RAPGEF6: variants seen among roughly 807,000 people sequenced by gnomAD.
RAPGEF6 encodes the protein Rap guanine nucleotide exchange factor 6.
In RAPGEF6, 56 loss-of-function variants were observed where a neutral mutation model predicts 171.4. That is an observed-to-expected ratio of 0.33 (90% CI 0.26 to 0.41). The LOEUF (loss-of-function observed/expected upper bound fraction) is 0.41. RAPGEF6 is among the 10% of genes least tolerant of loss of function. RAPGEF6 has a pLI of 1.00. For synonymous variants in RAPGEF6, 692 were observed against 650.1 expected (o/e 1.06, Z -0.98); for missense variants, 1,674 against 1,921.4 (o/e 0.87, Z 2.41).
At chr5:131,622,663 G>C (rs1265297633) in intron 1 of RAPGEF6, among the ~76,000 whole-genome samples, 1 of 152,150 alleles carries the variant, frequency 6.6e-6, no homozygotes, top group Non-Finnish European at 1.5e-5. Flanking sequence ...AAAATGATGG[G>C]CCTGGAAAAG....
intron 4 of RAPGEF6, among the ~76,000 whole-genome samples, chr5:131,585,004 T>A (rs1419119606): frequency 6.6e-6 from 1 of 152,028 alleles, no homozygotes; most frequent in Non-Finnish European, 1.5e-5. Flanking sequence ...GATACTTTAT[T>A]AAAGAAAAAA....
At chr5:131,592,340 T>A (rs1016632522) in intron 4 of RAPGEF6, 43 bp downstream of exon 4, 1 of 1,599,726 alleles carries the variant, frequency 6.3e-7, no homozygotes, top group Admixed American at 1.7e-5. Flanking sequence ...TACAAAATAG[T>A]TTAACATTAA....
In RAPGEF6 at chr5:131,427,172, G is replaced by A. The variant is rs1751429905; in HGVS notation, c.*94C>T. ...AAACCTCTGGACTGGTTGTAGCAAT[G>A]AGCTGTTCGTTAGCAATGGCCTGCA... On this transcript the variant is annotated 3_prime_UTR_variant, in exon 28 of 28. Coordinates refer to ENST00000509018, the MANE Select transcript of RAPGEF6 (RefSeq NM_016340.6). The A allele has an allele frequency of 8.7e-7, 1 of 1,154,590 alleles. No homozygotes were observed. Among genetic ancestry groups the A allele is most frequent in the African/African-American group, 1.5e-5 (1 of 65,664 alleles). The allele number at this position is 1,154,590 out of a possible 1,614,324, so 71.5% of individuals were successfully genotyped here.
chr5:131,427,256 C>T lies in RAPGEF6; in HGVS notation c.*10G>A. 3 of 1,608,588 alleles carry T rather than the reference C, an allele frequency of 1.9e-6. No homozygotes were observed. The highest frequency in any genetic ancestry group is 2.6e-6 in the Non-Finnish European group (3 of 1,175,128). On this transcript the variant is annotated 3_prime_UTR_variant, in exon 28 of 28. Coordinates refer to ENST00000509018, the MANE Select transcript of RAPGEF6 (RefSeq NM_016340.6). ...GACTTTCAGTGGTTTTCAAATAGGT[C>T]ATCCAAAGGCTAGACTGCTGAAACT...
chr5:131,494,147 GA>G (rs1756473359), intron 13 of RAPGEF6, among the ~76,000 whole-genome samples: 1 of 152,146 alleles, frequency 6.6e-6, no homozygotes, highest in Non-Finnish European at 1.5e-5. Context: ...AATGAACTAG[GA>G]ACTACTATCT....
Position 131,580,303 on chromosome 5 carries a change from G to A in RAPGEF6, c.281+12080C>T, listed in dbSNP as rs559553831. Among the ~76,000 whole-genome samples, 41 of 152,262 alleles carry A rather than the reference G, an allele frequency of 2.7e-4. 2 individuals carry two copies. In the South Asian group the frequency reaches 3.7e-3, roughly 14 times the overall value. ...GTTAAGCCCCTTACTGCCCAGGGCC[G>A]GCAGCACCAGCCGGTCACTCCGAGT... On this transcript the variant is annotated intron_variant, in intron 4 of 27. Transcript: ENST00000509018.
At chr5:131,474,439 G>A (rs887828869) in intron 16 of RAPGEF6, among the ~76,000 whole-genome samples, 4 of 152,096 alleles carry the variant, frequency 2.6e-5, no homozygotes, top group South Asian at 2.1e-4. Flanking sequence ...GCAAGACTCC[G>A]TATCAAAACA....
chr5:131,427,046 CCAGG>C lies in RAPGEF6; in HGVS notation c.*216_*219del. 1.8e-6 allele frequency: 1 copy of C among 568,622 alleles called. No individual in the cohort carries two copies. The highest frequency in any genetic ancestry group is 3.1e-5 in the East Asian group (1 of 31,844). The allele number at this position is 568,622 out of a possible 1,614,324, so 35.2% of individuals were successfully genotyped here. ...CGGCGTGCAAAGTGGAGACTGGTAT[CCAGG>C]CATAGCATCCATTGCTCAGGAAACT... On this transcript the variant is annotated 3_prime_UTR_variant, in exon 28 of 28. Coordinates refer to ENST00000509018, the MANE Select transcript of RAPGEF6 (RefSeq NM_016340.6).
chr5:131,488,559 A>G (rs1756078924), intron 15 of RAPGEF6, among the ~76,000 whole-genome samples: 1 of 152,200 alleles, frequency 6.6e-6, no homozygotes, highest in South Asian at 2.1e-4. Flanking sequence ...ATGCTAAAGT[A>G]ATATAATACT....
At chr5:131,433,372 C>A in intron 25 of RAPGEF6, 58 bp downstream of exon 25, 3 of 1,494,908 alleles carry the variant, frequency 2.0e-6, no homozygotes, top group South Asian at 1.1e-5. Flanking sequence ...GGGGAGCACT[C>A]CTTGCAGTGG....
chr5:131,454,653 G>C (rs1293041239), intron 20 of RAPGEF6, among the ~76,000 whole-genome samples: 1 of 152,152 alleles, frequency 6.6e-6, no homozygotes, highest in Non-Finnish European at 1.5e-5. Flanking sequence ...ATGAGACATA[G>C]TTGGAGAGAG....
chr5:131,585,455 C>T (rs1763202196), intron 4 of RAPGEF6, among the ~76,000 whole-genome samples: 1 of 152,124 alleles, frequency 6.6e-6, no homozygotes, highest in Admixed American at 6.5e-5. Context: ...TATTCAAAGT[C>T]ACCCCTCTGC....
chr5:131,504,527 T>C, intron 11 of RAPGEF6, 99 bp downstream of exon 11: 2 of 1,210,138 alleles, frequency 1.7e-6, no homozygotes, highest in Non-Finnish European at 1.1e-6. Flanking sequence ...AAAGTGTTAA[T>C]GAATTATCTT....
Position 131,604,673 on chromosome 5 carries a change from A to G in RAPGEF6, c.90T>C (p.Ser30=), listed in dbSNP as rs1224022865. The part of the protein sequence containing the change: ...RTPEDLNTIY[S]YLHGMEILSN... Reference sequence around the variant, plus strand: ...ATAATATTTCCATTCCATGAAGATAAGAATAAATAGTATTTAAGTCCTGTG... The same window carrying G: ...ATAATATTTCCATTCCATGAAGATAGGAATAAATAGTATTTAAGTCCTGTG... Residue 30 remains serine, a synonymous_variant, in exon 2 of 28, where the codon TCT becomes TCC. Coordinates refer to ENST00000509018, the MANE Select transcript of RAPGEF6 (RefSeq NM_016340.6). The G allele has an allele frequency of 2.5e-6, 4 of 1,611,046 alleles. No individual in the cohort carries two copies. The highest frequency in any genetic ancestry group is 3.4e-6 in the Non-Finnish European group (4 of 1,178,640).
chr5:131,470,962 ACTT>A (rs1283159064), intron 17 of RAPGEF6, among the ~76,000 whole-genome samples: 3 of 152,190 alleles, frequency 2.0e-5, no homozygotes, highest in Non-Finnish European at 4.4e-5. Flanking sequence ...GGTCAGCAAC[ACTT>A]CTTCTTCACC....
chr5:131,582,591 T>A (rs569497154), intron 4 of RAPGEF6, among the ~76,000 whole-genome samples: 2 of 152,194 alleles, frequency 1.3e-5, no homozygotes, highest in East Asian at 1.9e-4. Flanking sequence ...GGGAAAAAAA[T>A]GATAAACTTA....
chr5:131,604,513 T>C (rs1188692427), intron 2 of RAPGEF6, 110 bp downstream of exon 2: 5 of 1,254,146 alleles, frequency 4.0e-6, no homozygotes, highest in Non-Finnish European at 5.5e-6. Context: ...ATAATGCATA[T>C]ACCAAGGGCT....
At position 131,428,983 on chromosome 5, in the gene RAPGEF6, C is replaced by T. The variant is rs1561456039; in HGVS notation, c.4699G>A (p.Val1567Ile). ...AAATTATGCCTCTGAGGCTGAGTTA[C>T]AATCTTCGATGGAACACAGGCCACG... ...NLVACVPSKIVTQPQRHNLQP... is the reference protein window; with the variant it reads ...NLVACVPSKIITQPQRHNLQP... Residue 1567 changes from valine to isoleucine, a missense_variant, in exon 27 of 28, where the codon GTA becomes ATA. Transcript: ENST00000509018. The T allele has an allele frequency of 6.2e-7, 1 of 1,614,180 alleles. No individual in the cohort carries two copies. The highest frequency in any genetic ancestry group is 8.5e-7 in the Non-Finnish European group (1 of 1,180,034).
intron 4 of RAPGEF6, among the ~76,000 whole-genome samples, chr5:131,589,198 G>A (rs924343703): frequency 1.3e-5 from 2 of 152,140 alleles, no homozygotes; most frequent in African/African-American, 4.8e-5. Flanking sequence ...TTTTAGTTAA[G>A]GCAAGAAATA....
Sources: allele counts gnomAD v4.1 joint callset (sites outside exome capture counted in the v4.1 genomes callset), GRCh38; gene constraint gnomAD v4.1.1; transcripts MANE v1.5; gene names NCBI Gene and HGNC (gene_info 2026-07-23, HGNC 2026-07-21).